The following ZNF254 variants were observed in gnomAD, a reference collection of about 807,000 sequenced individuals.
ZNF254 encodes zinc finger protein 254.
A neutral mutation model predicts 12.4 loss-of-function variants in ZNF254; 10 were observed. The observed-to-expected ratio is 0.80, with a 90% confidence interval of 0.50 to 1.36. ZNF254 has a LOEUF of 1.36. Ranked by LOEUF, ZNF254 falls within the 40% of genes most tolerant of loss-of-function variation. ZNF254 has a pLI of 0.00. For missense variants in ZNF254, 996 were observed against 763.9 expected, an observed-to-expected ratio of 1.30 and a Z score of -3.58; for synonymous variants, 305 against 253.4, an observed-to-expected ratio of 1.20 and a Z score of -1.93.
Position 24,127,010 on chromosome 19 carries a change from T to A in ZNF254, c.1010T>A (p.Leu337Gln), listed in dbSNP as rs749440847. Residue 337 changes from leucine (L) to glutamine (Q), a missense_variant, in exon 4 of 4, where the codon CTA becomes CAA. Transcript: ENST00000357002. The stretch of plus-strand genomic sequence containing the variant: ...AAAGCATTTATATGGTCCTCAACAC[T>A]AACTAGACATAAGAGGATGCACACT... ...CGKAFIWSST[L>Q]TRHKRMHTGE... The A allele has an allele frequency of 1.9e-6, 3 of 1,613,678 alleles. No individual in the cohort carries two copies. The highest frequency in any genetic ancestry group is 1.7e-5 in the Admixed American group (1 of 59,960).
intron 1 of ZNF254, chr19:24,105,675 G>A (rs1324546438): frequency 3.1e-6 from 1 of 324,990 alleles, no homozygotes; most frequent in Non-Finnish European, 5.6e-6. Flanking sequence ...AAAAATGTAT[G>A]TTAGTGTTTA....
Position 24,076,184 on chromosome 19 carries a change from A to G in ZNF254, c.-93-29756A>G, listed in dbSNP as rs149457261. 5.9e-5 allele frequency among the ~76,000 whole-genome samples: 9 copies of G among 152,358 alleles called. No homozygotes were observed. In the East Asian group the frequency reaches 1.7e-3, roughly 29 times the overall value. On this transcript the variant is annotated intron_variant, in intron 2 of 4. Transcript: ENST00000613065. ...AAGAGATTAAAGACAGGCATAGGAA[A>G]TTATAAGAATATTGATTGGGGAAGT...
At chr19:24,078,853 A>C (rs1971749651) in intron 2 of ZNF254, 1 of 152,166 alleles carries the variant, frequency 6.6e-6, no homozygotes. Context: ...TTTCAAGCAC[A>C]TCTTGATCTT....
chr19:24,121,048 C>A (rs1974446348), intron 3 of ZNF254, among the ~76,000 whole-genome samples: 1 of 151,166 alleles, frequency 6.6e-6, no homozygotes, highest in South Asian at 2.1e-4. Context: ...CATCATGTAG[C>A]ATTTTTTTGT....
chr19:24,048,691 T>G (rs1970503944), intron 2 of ZNF254, among the ~76,000 whole-genome samples: 1 of 146,998 alleles, frequency 6.8e-6, no homozygotes, highest in Non-Finnish European at 1.5e-5. Context: ...TTGGTTTTTG[T>G]TTTTTGGGTT....
chr19:24,041,086 G>T (rs1970135654), intron 1 of ZNF254, among the ~76,000 whole-genome samples: 1 of 152,232 alleles, frequency 6.6e-6, no homozygotes, highest in Non-Finnish European at 1.5e-5. Flanking sequence ...GTGGTTCTTA[G>T]CCCAGGCTTC....
chr19:24,123,866 A>G (rs1179953555), intron 3 of ZNF254, among the ~76,000 whole-genome samples: 1 of 152,000 alleles, frequency 6.6e-6, no homozygotes, highest in Non-Finnish European at 1.5e-5. Context: ...TTTTTTTATC[A>G]TTAGATTTCA....
At chr19:24,122,474 T>G (rs1974547575) in intron 3 of ZNF254, among the ~76,000 whole-genome samples, 1 of 152,090 alleles carries the variant, frequency 6.6e-6, no homozygotes, top group Non-Finnish European at 1.5e-5. Flanking sequence ...ATCCACCCGC[T>G]TGGGTCTCTC....
intron 3 of ZNF254, among the ~76,000 whole-genome samples, chr19:24,116,569 A>T (rs567364429): frequency 6.6e-6 from 1 of 151,776 alleles, no homozygotes; most frequent in African/African-American, 2.4e-5. Context: ...GCACTTCTCT[A>T]TATTGGTTAT....
At chr19:24,043,201 T>C (rs1482903649) in intron 1 of ZNF254, among the ~76,000 whole-genome samples, 1 of 152,156 alleles carries the variant, frequency 6.6e-6, no homozygotes, top group Non-Finnish European at 1.5e-5. Flanking sequence ...GAACAAAAAT[T>C]AATATATAGC....
intron 1 of ZNF254, among the ~76,000 whole-genome samples, chr19:24,041,697 C>T (rs1457173624): frequency 1.3e-5 from 2 of 152,194 alleles, no homozygotes; most frequent in East Asian, 1.9e-4. Flanking sequence ...CTGAGGAATG[C>T]GAGCGCACGG....
At chr19:24,078,673 T>C (rs1442398843) in intron 2 of ZNF254, 2 of 152,172 alleles carry the variant, frequency 1.3e-5, no homozygotes, top group African/African-American at 4.8e-5. Context: ...AACTATAAGC[T>C]ACCTGCTCAG....
intron 2 of ZNF254, chr19:24,080,470 A>G (rs2145571908): frequency 6.6e-6 from 1 of 152,318 alleles, no homozygotes; most frequent in South Asian, 2.1e-4. Flanking sequence ...ACCTTCCACC[A>G]CGGTTTCCAT....
intron 3 of ZNF254, among the ~76,000 whole-genome samples, chr19:24,120,384 C>T (rs936887928): frequency 6.6e-6 from 1 of 152,038 alleles, no homozygotes; most frequent in African/African-American, 2.4e-5. Context: ...AATCTCATGA[C>T]AACTTCAGTT....
At chr19:24,066,422 G>A (rs1971270882) in intron 2 of ZNF254, 1 of 152,176 alleles carries the variant, frequency 6.6e-6, no homozygotes, top group Non-Finnish European at 1.5e-5. Context: ...ACATATTGCT[G>A]GGCCCTGCAC....
intron 2 of ZNF254, among the ~76,000 whole-genome samples, chr19:24,058,452 C>G (rs1207978251): frequency 1.3e-5 from 2 of 150,490 alleles, no homozygotes; most frequent in African/African-American, 4.9e-5. Flanking sequence ...CTCTTGTTAC[C>G]CAGGCTGGAG....
intron 3 of ZNF254, among the ~76,000 whole-genome samples, chr19:24,119,893 G>A (rs1469948924): frequency 6.6e-6 from 1 of 151,748 alleles, no homozygotes; most frequent in East Asian, 1.9e-4. Flanking sequence ...CTGTTTTATT[G>A]CCTTATTTTA....
At chr19:24,044,022 T>C (rs6511681) in intron 1 of ZNF254, among the ~76,000 whole-genome samples, 128,778 of 151,744 alleles carry the variant, frequency 0.85, 54,664 homozygotes, top group South Asian at 0.91. Context: ...GCGCAAATCA[T>C]GAGGTCAGGA....
At position 24,127,957 on chromosome 19, in the gene ZNF254, T is replaced by C; in HGVS notation, c.1957T>C (p.Trp653Arg). 1 of 1,563,028 alleles carries C rather than the reference T, an allele frequency of 6.4e-7. No individual in the cohort carries two copies. ...CCTCACCACAGATAAGATAACTCAT[T>C]GGAGAGAAATCTTACAAGTATGAAT... Reference protein sequence around the residue: ...SHLTTDKITHWREILQV With the variant: ...SHLTTDKITHRREILQV Residue 653 changes from tryptophan (W) to arginine (R), a missense_variant, in exon 4 of 4, where the codon TGG becomes CGG. Transcript: ENST00000357002.
Sources: allele counts gnomAD v4.1 joint callset (sites outside exome capture counted in the v4.1 genomes callset), GRCh38; gene constraint gnomAD v4.1.1; transcripts MANE v1.5; gene names NCBI Gene and HGNC (gene_info 2026-07-23, HGNC 2026-07-21).